Variants in SYT16 observed in about 807,000 individuals in gnomAD.
SYT16 encodes the protein synaptotagmin-16.
In SYT16, 42 loss-of-function variants were observed where a neutral mutation model predicts 61.4. That is an observed-to-expected ratio of 0.68 (90% CI 0.53 to 0.89). The LOEUF is 0.89. Among genes scored for constraint, SYT16 ranks in the 40% least tolerant of loss-of-function variants. The probability of loss-of-function intolerance (pLI) is 0.00; values close to 1 mark genes in which losing one functional copy is unlikely to be tolerated. For synonymous variants in SYT16, 314 were observed against 302.3 expected (o/e 1.04, Z -0.40); for missense variants, 804 against 807.3 (o/e 1.00, Z 0.05).
chr14:62,092,841 A>G (rs897264962), intron 7 of SYT16, among the ~76,000 whole-genome samples: 2 of 152,032 alleles, frequency 1.3e-5, no homozygotes, highest in Admixed American at 1.3e-4. Context: ...ATCTAATACC[A>G]CTGAAATGTA....
rs2057587200 is a variant in SYT16, at chr14:62,110,395, C to T, written c.*9688C>T. The T allele has an allele frequency of 6.6e-6, 1 of 151,964 alleles. No individual in the cohort carries two copies. Among genetic ancestry groups the T allele is most frequent in the African/African-American group, 2.4e-5 (1 of 41,384 alleles). The allele number at this position is 151,964 out of a possible 1,614,324, so 9.4% of individuals were successfully genotyped here. ...TTTGAGACCCCACTATATAACAGGG[C>T]CATACATATGACAAGGTGATAGATG... On this transcript the variant is annotated 3_prime_UTR_variant, in exon 8 of 8. Coordinates refer to ENST00000683842, the MANE Select transcript of SYT16 (RefSeq NM_001367656.1).
At position 61,996,077 on chromosome 14, in the gene SYT16, T is replaced by G; in HGVS notation, c.58T>G (p.Trp20Gly). 1.2e-6 allele frequency: 2 copies of G among 1,611,752 alleles called. No individual in the cohort carries two copies. The highest frequency in any genetic ancestry group is 1.7e-6 in the Non-Finnish European group (2 of 1,178,842). The change falls in exon 3 of 8, where the codon TGG becomes GGG. Residue 20 changes from tryptophan (W) to glycine (G), a missense_variant. Coordinates refer to ENST00000683842, the MANE Select transcript of SYT16 (RefSeq NM_001367656.1). The part of the protein sequence containing the change: ...VQNFFQPFSS[W>G]ISRVYEALQQ... ...GAACTTCTTCCAGCCTTTCTCTTCC[T>G]GGATATCTCGGGTTTATGAAGCTCT...
intron 7 of SYT16, among the ~76,000 whole-genome samples, chr14:62,085,308 C>T (rs1187296842): frequency 6.6e-6 from 1 of 152,112 alleles, no homozygotes; most frequent in African/African-American, 2.4e-5. Flanking sequence ...TGCAAATACA[C>T]CTAATTGGAG....
At chr14:62,070,527 T>C (rs1566818616) in intron 4 of SYT16, among the ~76,000 whole-genome samples, 2 of 152,150 alleles carry the variant, frequency 1.3e-5, no homozygotes, top group African/African-American at 4.8e-5. Flanking sequence ...GCTTGGGATG[T>C]TGGGCAGACC....
intron 3 of SYT16, among the ~76,000 whole-genome samples, chr14:62,001,715 A>G (rs4902094): frequency 0.52 from 79,271 of 151,618 alleles, 21,683 homozygotes; most frequent in East Asian, 0.75. Flanking sequence ...TCTGGTATTC[A>G]GTTGTACAAA....
intron 2 of SYT16, among the ~76,000 whole-genome samples, chr14:61,975,549 G>C (rs538378897): frequency 5.3e-5 from 8 of 152,324 alleles, no homozygotes; most frequent in African/African-American, 1.7e-4. Flanking sequence ...GCTGGAAGAA[G>C]TGCCAAGTGA....
intron 2 of SYT16, among the ~76,000 whole-genome samples, chr14:61,982,063 G>GAT: frequency 6.6e-6 from 1 of 151,840 alleles, no homozygotes; most frequent in East Asian, 1.9e-4. Flanking sequence ...GTAACATATG[G>GAT]ATATATATAT....
At chr14:61,814,245 G>A (rs1300894490) in intron 1 of SYT16, among the ~76,000 whole-genome samples, 1 of 151,986 alleles carries the variant, frequency 6.6e-6, no homozygotes, top group Non-Finnish European at 1.5e-5. Context: ...CCTCAGCTCT[G>A]TTCATTTATA....
intron 1 of SYT16, among the ~76,000 whole-genome samples, chr14:61,931,967 A>T (rs2049790796): frequency 6.6e-6 from 1 of 152,226 alleles, no homozygotes; most frequent in South Asian, 2.1e-4. Context: ...CAGTACCACC[A>T]ACAGTGTCCT....
chr14:62,049,327 TG>T (rs2055159149), intron 3 of SYT16, among the ~76,000 whole-genome samples: 1 of 152,324 alleles, frequency 6.6e-6, no homozygotes, highest in East Asian at 1.9e-4. Flanking sequence ...TCCATTTGCT[TG>T]GTAGATCTTC....
chr14:62,065,258 C>T (rs17734756), intron 3 of SYT16, among the ~76,000 whole-genome samples: 23,349 of 152,114 alleles, frequency 0.15, 1,912 homozygotes, highest in South Asian at 0.24. Flanking sequence ...ATAGATGCTA[C>T]GCTTAAGTCC....
intron 7 of SYT16, 77 bp from the exon 8 acceptor site, chr14:62,100,317 G>A (rs2057388177): frequency 7.8e-7 from 1 of 1,280,258 alleles, no homozygotes; most frequent in South Asian, 1.6e-5. Context: ...CCATATAAAT[G>A]TTACAGCTAG....
intron 1 of SYT16, among the ~76,000 whole-genome samples, chr14:61,836,244 C>T (rs2046125273): frequency 6.6e-6 from 1 of 152,160 alleles, no homozygotes; most frequent in African/African-American, 2.4e-5. Flanking sequence ...CTCATGGTAC[C>T]TTCCACCTCT....
intron 3 of SYT16, among the ~76,000 whole-genome samples, chr14:62,069,299 C>T (rs574491318): frequency 1.8e-4 from 27 of 152,228 alleles, no homozygotes; most frequent in African/African-American, 5.5e-4. Flanking sequence ...ATTTAAGCAG[C>T]GTAACAAATC....
intron 1 of SYT16, among the ~76,000 whole-genome samples, chr14:61,851,464 T>C (rs2046617520): frequency 6.6e-6 from 1 of 150,860 alleles, no homozygotes; most frequent in Non-Finnish European, 1.5e-5. Context: ...TTTCTGCCTC[T>C]AGGTCTTTGA....
intron 2 of SYT16, among the ~76,000 whole-genome samples, chr14:61,985,324 A>G (rs2052257787): frequency 6.6e-6 from 1 of 152,318 alleles, no homozygotes; most frequent in South Asian, 2.1e-4. Context: ...CTTTCAATTT[A>G]TGAATGCTGA....
chr14:62,049,443 G>A (rs1398958360), intron 3 of SYT16, among the ~76,000 whole-genome samples: 3 of 152,154 alleles, frequency 2.0e-5, no homozygotes, highest in Admixed American at 2.0e-4. Flanking sequence ...TTGCCAGTCT[G>A]TGTCTTTTAA....
chr14:62,044,217 G>A (rs2054868127), intron 3 of SYT16, among the ~76,000 whole-genome samples: 1 of 149,020 alleles, frequency 6.7e-6, no homozygotes, highest in Admixed American at 6.7e-5. Context: ...AAAAAAAATA[G>A]GAAACGAAAG....
At chr14:62,064,192 T>G (rs2055954208) in intron 3 of SYT16, among the ~76,000 whole-genome samples, 1 of 152,024 alleles carries the variant, frequency 6.6e-6, no homozygotes. Context: ...CTGAAATAAG[T>G]GTCACAACTT....
Sources: gnomAD v4.1 joint callset for allele counts (sites outside exome capture counted in the v4.1 genomes callset) on GRCh38, gnomAD v4.1.1 for gene constraint, MANE v1.5 for transcripts, NCBI Gene and HGNC (gene_info 2026-07-23, HGNC 2026-07-21) for gene names.